The following OR5AC2 variants were observed in gnomAD, a reference collection of about 807,000 sequenced individuals.
OR5AC2 encodes olfactory receptor 5AC2.
For synonymous variants in OR5AC2, 172 were observed against 136.3 expected (o/e 1.26, Z -1.82); for missense variants, 448 against 375.3 (o/e 1.19, Z -1.60).
Position 98,087,399 on chromosome 3 carries a change from C to A in OR5AC2, c.227C>A (p.Ser76Ter), listed in dbSNP as rs112851828. 8.1e-6 allele frequency: 13 copies of A among 1,614,122 alleles called. No individual in the cohort carries two copies. The highest frequency in any genetic ancestry group is 1.6e-4 in the Middle Eastern group (1 of 6,062). The change falls in exon 1 of 1, where the codon TCA (serine) becomes TAA (stop). Residue 76 changes from serine (S) to a stop codon, truncating the protein, a stop_gained. Transcript: ENST00000358642. LOFTEE classifies it low-confidence loss of function (END_TRUNC). Reference protein sequence around the residue: ...GGLAFSDACTSTSITPRMLVN... With the variant: ...GGLAFSDACT Reference sequence around the variant, plus strand: ...TTAGCCTTTTCAGATGCTTGTACTTCAACCTCTATAACCCCTAGGATGCTG... The same window carrying A: ...TTAGCCTTTTCAGATGCTTGTACTTAAACCTCTATAACCCCTAGGATGCTG...
rs376350895 is a variant in OR5AC2, at chr3:98,087,733, C to T, written c.561C>T (p.Phe187=). The T allele has an allele frequency of 4.1e-5, 66 of 1,611,598 alleles. No individual in the cohort carries two copies. Among genetic ancestry groups the T allele is most frequent in the Non-Finnish European group, 5.2e-5 (61 of 1,178,766 alleles). The change falls in exon 1 of 1, where the codon TTC becomes TTT. Residue 187 remains phenylalanine, a synonymous_variant. Coordinates refer to ENST00000358642, the MANE Select transcript of OR5AC2 (RefSeq NM_054106.1). ...HYFYCEILQL[F]KISCNGPSIN... Reference sequence around the variant, plus strand: ...TCTACTGTGAAATTTTACAACTGTTCAAAATTTCATGCAATGGTCCATCTA... The same window carrying T: ...TCTACTGTGAAATTTTACAACTGTTTAAAATTTCATGCAATGGTCCATCTA...
In OR5AC2 at chr3:98,087,625, T is replaced by C. The variant is rs779697876; in HGVS notation, c.453T>C (p.Tyr151=). The part of the protein sequence containing the change: ...KLSAQLLSIS[Y]VIGFLHPLVH... ...GCGCTCAGTTGCTAAGTATTTCATATGTAATTGGTTTCCTGCATCCTCTGG... is the reference window on the plus strand; with the variant it reads ...GCGCTCAGTTGCTAAGTATTTCATACGTAATTGGTTTCCTGCATCCTCTGG... The change falls in exon 1 of 1, where the codon TAT becomes TAC. Residue 151 remains tyrosine (Y), a synonymous_variant. Transcript: ENST00000358642. The C allele has an allele frequency of 1.9e-6, 3 of 1,613,938 alleles. No homozygotes were observed. Among genetic ancestry groups the C allele is most frequent in the East Asian group, 2.2e-5 (1 of 44,890 alleles).
rs143261087 is a variant in OR5AC2 at position 98,087,208 on chromosome 3, A to G, written c.36A>G (p.Thr12=). Residue 12 remains threonine (T), a synonymous_variant, in exon 1 of 1, where the codon ACA becomes ACG. Transcript: ENST00000358642. ...DISEGNKTLV[T]EFVLTGLTDR... is the part of the protein sequence containing the mutation. ...CAGAGGGAAATAAGACTCTTGTGACAGAGTTTGTTCTCACAGGACTTACAG... is the reference window on the plus strand; with the variant it reads ...CAGAGGGAAATAAGACTCTTGTGACGGAGTTTGTTCTCACAGGACTTACAG... The G allele has an allele frequency of 3.7e-6, 6 of 1,612,532 alleles. No individual in the cohort carries two copies. The highest frequency in any genetic ancestry group is 1.3e-5 in the African/African-American group (1 of 74,946).
chr3:98,088,075 T>C lies in OR5AC2; in HGVS notation c.903T>C (p.His301=). The C allele has an allele frequency of 6.2e-7, 1 of 1,607,624 alleles. No individual in the cohort carries two copies. Among genetic ancestry groups the C allele is most frequent in the Non-Finnish European group, 8.5e-7 (1 of 1,175,530 alleles). Residue 301 remains histidine, a synonymous_variant, in exon 1 of 1, where the codon CAT becomes CAC. Transcript: ENST00000358642. ...IYSLRNKKVM[H]ALRRVIRK is the part of the protein sequence containing the mutation. ...GCTTGAGAAATAAAAAAGTCATGCA[T>C]GCATTGAGAAGAGTTATAAGGAAGT...
At position 98,088,032 on chromosome 3, in the gene OR5AC2, T is replaced by C. The variant is rs1386820434; in HGVS notation, c.860T>C (p.Leu287Pro). 18 of 1,613,842 alleles carry C rather than the reference T, an allele frequency of 1.1e-5. No individual in the cohort carries two copies. Among genetic ancestry groups the C allele is most frequent in the Non-Finnish European group, 1.5e-5 (18 of 1,179,760 alleles). The change falls in exon 1 of 1, where the codon CTA becomes CCA. Residue 287 changes from leucine to proline, a missense_variant. Physicochemically the swap from Leu to Pro is moderately conservative, Grantham distance 98. Transcript: ENST00000358642. ...SLFYTIIIPLLNPFIYSLRNK... is the reference protein window; with the variant it reads ...SLFYTIIIPLPNPFIYSLRNK... ...TTTTACACGATTATAATTCCCCTGC[T>C]AAACCCATTTATTTACAGCTTGAGA...
In OR5AC2 at chr3:98,087,239, C is replaced by A; in HGVS notation, c.67C>A (p.Pro23Thr). 1 of 1,614,040 alleles carries A rather than the reference C, an allele frequency of 6.2e-7. No homozygotes were observed. The highest frequency in any genetic ancestry group is 8.5e-7 in the Non-Finnish European group (1 of 1,179,916). The change falls in exon 1 of 1, where the codon CCA becomes ACA. Residue 23 changes from proline to threonine, a missense_variant. Physicochemically the swap from Pro to Thr is conservative, Grantham distance 38. Transcript: ENST00000358642. ...EFVLTGLTDR[P>T]WLHVLFFVVF... is the part of the protein sequence containing the mutation. ...TGTTCTCACAGGACTTACAGATCGACCATGGCTGCACGTCCTCTTCTTTGT... is the reference window on the plus strand; with the variant it reads ...TGTTCTCACAGGACTTACAGATCGAACATGGCTGCACGTCCTCTTCTTTGT...
rs1438930134 is a variant in OR5AC2, at chr3:98,087,307, T to G, written c.135T>G (p.Leu45=). 2 of 1,614,196 alleles carry G rather than the reference T, an allele frequency of 1.2e-6. No homozygotes were observed. Among genetic ancestry groups the G allele is most frequent in the African/African-American group, 2.7e-5 (2 of 75,050 alleles). Residue 45 remains leucine, a synonymous_variant, in exon 1 of 1, where the codon CTT becomes CTG. Coordinates refer to ENST00000358642, the MANE Select transcript of OR5AC2 (RefSeq NM_054106.1). The part of the protein sequence containing the change: ...VVYLITMVGN[L]GLIVLIWNDP... ...ATCTCATCACCATGGTGGGCAACCT[T>G]GGACTGATAGTTCTAATTTGGAACG...
chr3:98,087,357 A>T lies in OR5AC2; in HGVS notation c.185A>T (p.Tyr62Phe), dbSNP rs1707771642. ...GACCCCCATCTTCATATGCCCATGT[A>T]CTTATTCCTTGGTGGTTTAGCCTTT... ...WNDPHLHMPMYLFLGGLAFSD... is the reference protein window; with the variant it reads ...WNDPHLHMPMFLFLGGLAFSD... Residue 62 changes from tyrosine to phenylalanine, a missense_variant, in exon 1 of 1, where the codon TAC becomes TTC. Transcript: ENST00000358642. 1.2e-6 allele frequency: 2 copies of T among 1,614,004 alleles called. No homozygotes were observed. The highest frequency in any genetic ancestry group is 1.3e-5 in the African/African-American group (1 of 74,908).
In OR5AC2 at chr3:98,087,488, T is replaced by C. The variant is rs1056476463; in HGVS notation, c.316T>C (p.Phe106Leu). 2 of 1,614,068 alleles carry C rather than the reference T, an allele frequency of 1.2e-6. No homozygotes were observed. Among genetic ancestry groups the C allele is most frequent in the African/African-American group, 2.7e-5 (2 of 74,930 alleles). The change falls in exon 1 of 1, where the codon TTT becomes CTT. Residue 106 changes from phenylalanine to leucine, a missense_variant. By Grantham distance (22) the Phe-to-Leu change is conservative. Transcript: ENST00000358642. The part of the protein sequence containing the change: ...LAECITQFYF[F>L]ASSATTECFL... ...TGAGTGCATCACCCAGTTTTACTTT[T>C]TTGCTTCCAGTGCAACTACAGAATG...
chr3:98,087,368 G>A lies in OR5AC2; in HGVS notation c.196G>A (p.Gly66Ser), dbSNP rs1460314675. 1.2e-6 allele frequency: 2 copies of A among 1,613,976 alleles called. No individual in the cohort carries two copies. Among genetic ancestry groups the A allele is most frequent in the East Asian group, 2.2e-5 (1 of 44,898 alleles). ...HLHMPMYLFL[G>S]GLAFSDACTS... The stretch of plus-strand genomic sequence containing the variant: ...TCATATGCCCATGTACTTATTCCTT[G>A]GTGGTTTAGCCTTTTCAGATGCTTG... Residue 66 changes from glycine (G) to serine (S), a missense_variant, in exon 1 of 1, where the codon GGT (glycine) becomes AGT (serine). Transcript: ENST00000358642.
In OR5AC2 at chr3:98,087,222, C is replaced by A. The variant is rs1707769574; in HGVS notation, c.50C>A (p.Thr17Lys). 3 of 1,613,692 alleles carry A rather than the reference C, an allele frequency of 1.9e-6. No homozygotes were observed. Among genetic ancestry groups the A allele is most frequent in the Non-Finnish European group, 2.5e-6 (3 of 1,179,794 alleles). ...NKTLVTEFVL[T>K]GLTDRPWLHV... ...ACTCTTGTGACAGAGTTTGTTCTCA[C>A]AGGACTTACAGATCGACCATGGCTG... The change falls in exon 1 of 1, where the codon ACA becomes AAA. Residue 17 changes from threonine (T) to lysine (K), a missense_variant. Transcript: ENST00000358642.
In OR5AC2 at chr3:98,087,965, G is replaced by A. The variant is rs762844793; in HGVS notation, c.793G>A (p.Ala265Thr). 1 of 1,614,128 alleles carries A rather than the reference G, an allele frequency of 6.2e-7. No individual in the cohort carries two copies. The highest frequency in any genetic ancestry group is 8.5e-7 in the Non-Finnish European group (1 of 1,180,020). ...GTLIFMYVRP[A>T]SGLAEDQDKV... ...TCTGATCTTCATGTATGTGCGTCCT[G>A]CATCTGGCTTAGCTGAAGACCAAGA... Residue 265 changes from alanine to threonine, a missense_variant, in exon 1 of 1, where the codon GCA (alanine) becomes ACA (threonine). By Grantham distance (58) the Ala-to-Thr change is moderately conservative. Coordinates refer to ENST00000358642, the MANE Select transcript of OR5AC2 (RefSeq NM_054106.1).
chr3:98,087,845 T>G lies in OR5AC2; in HGVS notation c.673T>G (p.Phe225Val), dbSNP rs1356640288. 6.2e-7 allele frequency: 1 copy of G among 1,612,014 alleles called. No homozygotes were observed. The highest frequency in any genetic ancestry group is 1.3e-5 in the African/African-American group (1 of 74,244). The change falls in exon 1 of 1, where the codon TTT becomes GTT. Residue 225 changes from phenylalanine to valine, a missense_variant. Transcript: ENST00000358642. ...CATAATCTCTTATACTCGTGTGCTC[T>G]TTGATATTCTGAAAAAAAAGTCTGA... ...TIIISYTRVLFDILKKKSEKG... is the reference protein window; with the variant it reads ...TIIISYTRVLVDILKKKSEKG...
rs1707771642 is a variant in OR5AC2, at chr3:98,087,357, A to C, written c.185A>C (p.Tyr62Ser). The C allele has an allele frequency of 6.2e-7, 1 of 1,614,122 alleles. No individual in the cohort carries two copies. Among genetic ancestry groups the C allele is most frequent in the East Asian group, 2.2e-5 (1 of 44,880 alleles). Residue 62 changes from tyrosine (Y) to serine (S), a missense_variant, in exon 1 of 1, where the codon TAC becomes TCC. Physicochemically the swap from Tyr to Ser is moderately radical, Grantham distance 144. Coordinates refer to ENST00000358642, the MANE Select transcript of OR5AC2 (RefSeq NM_054106.1). ...WNDPHLHMPM[Y>S]LFLGGLAFSD... Reference sequence around the variant, plus strand: ...GACCCCCATCTTCATATGCCCATGTACTTATTCCTTGGTGGTTTAGCCTTT... The same window carrying C: ...GACCCCCATCTTCATATGCCCATGTCCTTATTCCTTGGTGGTTTAGCCTTT...
rs749198280 is a variant in OR5AC2, at chr3:98,087,503, A to G, written c.331A>G (p.Thr111Ala). 2 of 1,614,086 alleles carry G rather than the reference A, an allele frequency of 1.2e-6. No homozygotes were observed. The highest frequency in any genetic ancestry group is 1.1e-5 in the South Asian group (1 of 91,074). ...TQFYFFASSA[T>A]TECFLLVMMA... ...GTTTTACTTTTTTGCTTCCAGTGCA[A>G]CTACAGAATGCTTCCTCCTGGTGAT... is the stretch of plus-strand genomic sequence containing the variant. Residue 111 changes from threonine to alanine, a missense_variant, in exon 1 of 1, where the codon ACT (threonine) becomes GCT (alanine). Transcript: ENST00000358642.
At position 98,087,684 on chromosome 3, in the gene OR5AC2, G is replaced by T. The variant is rs755910788; in HGVS notation, c.512G>T (p.Cys171Phe). Residue 171 changes from cysteine to phenylalanine, a missense_variant, in exon 1 of 1, where the codon TGC (cysteine) becomes TTC (phenylalanine). By Grantham distance (205) the Cys-to-Phe change is radical. Coordinates refer to ENST00000358642, the MANE Select transcript of OR5AC2 (RefSeq NM_054106.1). ...AGTTTACTATTGCGACTAACTTTCT[G>T]CAGGTTTAACATAATACATTATTTC... Reference protein sequence around the residue: ...HVSLLLRLTFCRFNIIHYFYC... With the variant: ...HVSLLLRLTFFRFNIIHYFYC... 7.4e-6 allele frequency: 12 copies of T among 1,612,682 alleles called. No individual in the cohort carries two copies. The Middle Eastern group carries it at 4.9e-4, about 66-fold the overall frequency.
At position 98,087,898 on chromosome 3, in the gene OR5AC2, A is replaced by C. The variant is rs77322229; in HGVS notation, c.726A>C (p.Thr242=). ...SEKGRSKAFS[T]CGAHLLSVSL... ...AGGGCAGAAGCAAAGCCTTCTCCACATGCGGCGCCCATCTGCTTTCTGTCT... is the reference window on the plus strand; with the variant it reads ...AGGGCAGAAGCAAAGCCTTCTCCACCTGCGGCGCCCATCTGCTTTCTGTCT... The change falls in exon 1 of 1, where the codon ACA becomes ACC. Residue 242 remains threonine (T), a synonymous_variant. Coordinates refer to ENST00000358642, the MANE Select transcript of OR5AC2 (RefSeq NM_054106.1). The C allele has an allele frequency of 0.02, 31,569 of 1,613,780 alleles. 386 individuals are homozygous for C. Among genetic ancestry groups the C allele is most frequent in the Admixed American group, 0.045 (2,709 of 59,984 alleles).
chr3:98,087,766 A>C lies in OR5AC2; in HGVS notation c.594A>C (p.Ala198=). The C allele has an allele frequency of 6.2e-7, 1 of 1,608,138 alleles. No homozygotes were observed. The highest frequency in any genetic ancestry group is 8.5e-7 in the Non-Finnish European group (1 of 1,175,454). Residue 198 remains alanine (A), a synonymous_variant, in exon 1 of 1, where the codon GCA becomes GCC. Coordinates refer to ENST00000358642, the MANE Select transcript of OR5AC2 (RefSeq NM_054106.1). The part of the protein sequence containing the change: ...KISCNGPSIN[A]LMIFIFGAFI... ...CATGCAATGGTCCATCTATTAACGC[A>C]CTAATGATATTTATTTTTGGTGCTT...
In OR5AC2 at chr3:98,087,395, A is replaced by G. The variant is rs1178221738; in HGVS notation, c.223A>G (p.Thr75Ala). ...LGGLAFSDAC[T>A]STSITPRMLV... ...TGGTTTAGCCTTTTCAGATGCTTGT[A>G]CTTCAACCTCTATAACCCCTAGGAT... Residue 75 changes from threonine (T) to alanine (A), a missense_variant, in exon 1 of 1, where the codon ACT (threonine) becomes GCT (alanine). By Grantham distance (58) the Thr-to-Ala change is moderately conservative. Coordinates refer to ENST00000358642, the MANE Select transcript of OR5AC2 (RefSeq NM_054106.1). 9 of 1,613,992 alleles carry G rather than the reference A, an allele frequency of 5.6e-6. No homozygotes were observed. Among genetic ancestry groups the G allele is most frequent in the African/African-American group, 1.3e-5 (1 of 75,018 alleles).
Sources: allele counts gnomAD v4.1 joint callset, GRCh38; gene constraint gnomAD v4.1.1; transcripts MANE v1.5; gene names NCBI Gene and HGNC (gene_info 2026-07-23, HGNC 2026-07-21).